RHOBTB1: variants seen among roughly 807,000 people sequenced by gnomAD.
RHOBTB1 encodes the protein rho-related BTB domain-containing protein 1.
RHOBTB1 carries 40 observed loss-of-function variants against 71.6 expected under a neutral mutation model. That is an observed-to-expected ratio of 0.56 (90% confidence interval 0.43 to 0.73). The LOEUF (loss-of-function observed/expected upper bound fraction) is 0.73. Ranked by LOEUF, RHOBTB1 falls within the 30% of genes least tolerant of loss-of-function variation. The pLI is 0.00. For synonymous variants in RHOBTB1, 319 were observed against 334.9 expected, an observed-to-expected ratio of 0.95 and a Z score of 0.52; for missense variants, 797 against 894.0, an observed-to-expected ratio of 0.89 and a Z score of 1.38.
rs555460660 is a variant in RHOBTB1, at chr10:60,902,906, C to T, written c.296+7981G>A. 3.3e-5 allele frequency among the ~76,000 whole-genome samples: 5 copies of T among 152,296 alleles called. No homozygotes were observed. In the East Asian group the frequency reaches 7.7e-4, roughly 23 times the overall value. On this transcript the variant is annotated intron_variant, in intron 4 of 10. Coordinates refer to ENST00000337910, the MANE Select transcript of RHOBTB1 (RefSeq NM_014836.5). ...TAACATCGATCAAGCTCCTACAAGA[C>T]ACCAGGCCACGTATCGGGGATAGAA...
Position 60,877,921 on chromosome 10 carries a change from C to G in RHOBTB1, c.1713G>C (p.Leu571Phe). The part of the protein sequence containing the change: ...ALANRFCLPH[L>F]VALAEQHAVQ... ...CATCATCCTTACCTGCAAGTGCAAC[C>G]AAGTGTGGCAGGCAAAATCTGTTTG... Residue 571 changes from leucine to phenylalanine, a missense_variant, in exon 8 of 11, where the codon TTG (leucine) becomes TTC (phenylalanine). Coordinates refer to ENST00000337910, the MANE Select transcript of RHOBTB1 (RefSeq NM_014836.5). The G allele has an allele frequency of 1.2e-6, 2 of 1,613,646 alleles. No individual in the cohort carries two copies. Among genetic ancestry groups the G allele is most frequent in the Non-Finnish European group, 1.7e-6 (2 of 1,179,798 alleles).
chr10:60,975,731 A>C (rs1242010158), intron 2 of RHOBTB1, among the ~76,000 whole-genome samples: 3 of 152,104 alleles, frequency 2.0e-5, no homozygotes. Flanking sequence ...TTTTCCATAT[A>C]AGCATCTCTC....
intron 7 of RHOBTB1, among the ~76,000 whole-genome samples, chr10:60,881,774 T>C (rs574709698): frequency 2.0e-5 from 3 of 152,318 alleles, no homozygotes; most frequent in Admixed American, 6.5e-5. Flanking sequence ...ATGAACATCC[T>C]AAATAAAAAG....
chr10:60,886,146 A>G lies in RHOBTB1; in HGVS notation c.1541T>C (p.Phe514Ser). The G allele has an allele frequency of 6.2e-7, 1 of 1,614,112 alleles. No homozygotes were observed. Among genetic ancestry groups the G allele is most frequent in the Non-Finnish European group, 8.5e-7 (1 of 1,179,964 alleles). The change falls in exon 7 of 11, where the codon TTC (phenylalanine) becomes TCC (serine). Residue 514 changes from phenylalanine to serine, a missense_variant. Physicochemically the swap from Phe to Ser is radical, Grantham distance 155. Coordinates refer to ENST00000337910, the MANE Select transcript of RHOBTB1 (RefSeq NM_014836.5). ...ICSCEWMAAM[F>S]GGSFVESANS... Reference sequence around the variant, plus strand: ...GGCACTTTCCACAAATGACCCCCCGAACATGGCTGCCATCCACTCACAGCT... The same window carrying G: ...GGCACTTTCCACAAATGACCCCCCGGACATGGCTGCCATCCACTCACAGCT...
intron 8 of RHOBTB1, among the ~76,000 whole-genome samples, chr10:60,876,242 C>G (rs2081046672): frequency 6.6e-6 from 1 of 152,156 alleles, no homozygotes. Context: ...TCTAAACACT[C>G]TACACTAGAC....
At chr10:60,936,096 A>G (rs1319609724) in intron 2 of RHOBTB1, among the ~76,000 whole-genome samples, 3 of 152,222 alleles carry the variant, frequency 2.0e-5, no homozygotes, top group Non-Finnish European at 4.4e-5. Context: ...TTCAGTATTA[A>G]AATTTATCAT....
intron 2 of RHOBTB1, among the ~76,000 whole-genome samples, chr10:60,927,262 C>T (rs1243181953): frequency 6.6e-6 from 1 of 152,154 alleles, no homozygotes; most frequent in Non-Finnish European, 1.5e-5. Context: ...GATATTGTTA[C>T]AATGCCCATA....
chr10:60,952,363 C>T (rs2085442659), intron 2 of RHOBTB1, among the ~76,000 whole-genome samples: 1 of 152,156 alleles, frequency 6.6e-6, no homozygotes, highest in African/African-American at 2.4e-5. Context: ...AGATCACCAC[C>T]TGTCTTTTTA....
chr10:60,890,701 G>A (rs1330963731), intron 5 of RHOBTB1, among the ~76,000 whole-genome samples: 1 of 152,158 alleles, frequency 6.6e-6, no homozygotes, highest in Non-Finnish European at 1.5e-5. Flanking sequence ...GGTCTTAGGA[G>A]GAAAAAGATA....
chr10:60,903,499 G>C (rs963998278), intron 4 of RHOBTB1, among the ~76,000 whole-genome samples: 2 of 152,202 alleles, frequency 1.3e-5, no homozygotes, highest in African/African-American at 4.8e-5. Flanking sequence ...ATGTTCACCA[G>C]TTCCAGAACG....
intron 2 of RHOBTB1, among the ~76,000 whole-genome samples, chr10:60,941,564 TAAA>T (rs1218574475): frequency 6.6e-6 from 1 of 151,854 alleles, no homozygotes; most frequent in Non-Finnish European, 1.5e-5. Flanking sequence ...AAGTGAAAAA[TAAA>T]AAGTCGTATG....
the RHOBTB1 span, among the ~76,000 whole-genome samples, chr10:60,862,478 G>A: frequency 7.0e-6 from 1 of 142,874 alleles, no homozygotes; most frequent in Admixed American, 6.9e-5. Flanking sequence ...GATAACAGGT[G>A]TGAGCCACCA....
rs542837116 is a variant in RHOBTB1, at chr10:60,941,441, A to G, written c.-11+363T>C. 4.6e-5 allele frequency among the ~76,000 whole-genome samples: 7 copies of G among 152,256 alleles called. No individual in the cohort carries two copies. The East Asian group carries it at 1.3e-3, about 29-fold the overall frequency. ...CATGCTCAATAAGTCAATTATTACT[A>G]TATCAAGTTTCTTCCAGCCCCAGAG... is the stretch of plus-strand genomic sequence containing the variant. On this transcript the variant is annotated intron_variant, in intron 2 of 10. Coordinates refer to ENST00000337910, the MANE Select transcript of RHOBTB1 (RefSeq NM_014836.5).
chr10:60,970,728 CT>C (rs1157996201), intron 2 of RHOBTB1, among the ~76,000 whole-genome samples: 1 of 151,298 alleles, frequency 6.6e-6, no homozygotes, highest in Non-Finnish European at 1.5e-5. Flanking sequence ...CTTTTTTTTT[CT>C]GCTTACTTCA....
upstream of RHOBTB1, among the ~76,000 whole-genome samples, chr10:60,946,657 C>T (rs772183997): frequency 6.6e-6 from 1 of 152,172 alleles, no homozygotes; most frequent in Non-Finnish European, 1.5e-5. Flanking sequence ...TCAGTTTCTT[C>T]CATTTTCTCA....
chr10:60,941,934 C>T (rs1001814429), intron 1 of RHOBTB1, 80 bp from the exon 2 acceptor site: 3 of 152,020 alleles, frequency 2.0e-5, no homozygotes, highest in Admixed American at 1.3e-4. Flanking sequence ...TTTCAACATA[C>T]GTTGTTTTCT....
rs536512161 is a variant in RHOBTB1, at chr10:60,904,613, G to A, written c.296+6274C>T. On this transcript the variant is annotated intron_variant, in intron 4 of 10. Coordinates refer to ENST00000337910, the MANE Select transcript of RHOBTB1 (RefSeq NM_014836.5). ...TCCCTTCTGGCTGAGGTTTGGTAAC[G>A]AGTATCAGAAAATTCCAGGACGGTG... 1.5e-3 allele frequency among the ~76,000 whole-genome samples: 229 copies of A among 152,270 alleles called. 2 individuals carry two copies. The highest frequency in any genetic ancestry group is 5.2e-3 in the African/African-American group (218 of 41,552).
chr10:60,979,216 A>G (rs1230508822), intron 2 of RHOBTB1, among the ~76,000 whole-genome samples: 1 of 152,060 alleles, frequency 6.6e-6, no homozygotes, highest in African/African-American at 2.4e-5. Context: ...TTTCATCTGT[A>G]TCTACCTTTT....
intron 4 of RHOBTB1, among the ~76,000 whole-genome samples, chr10:60,906,391 T>A (rs1182383282): frequency 1.3e-5 from 2 of 152,118 alleles, no homozygotes; most frequent in Non-Finnish European, 2.9e-5. Context: ...AGATGGTGAG[T>A]GCTGGTCTTC....
Sources: gnomAD v4.1 joint callset for allele counts (sites outside exome capture counted in the v4.1 genomes callset) on GRCh38, gnomAD v4.1.1 for gene constraint, MANE v1.5 for transcripts, NCBI Gene and HGNC (gene_info 2026-07-23, HGNC 2026-07-21) for gene names.